RPS6KC1: variants seen among roughly 807,000 people sequenced by gnomAD.
The protein encoded by RPS6KC1 is ribosomal protein S6 kinase C1.
Under a neutral mutation model 103.8 loss-of-function variants are expected in RPS6KC1, and 54 were observed. The ratio of observed to expected loss-of-function variants is 0.52; its 90% CI spans 0.42 to 0.65. The LOEUF is 0.65. Ranked by LOEUF, RPS6KC1 falls within the 30% of genes least tolerant of loss-of-function variation. The pLI, the probability that RPS6KC1 is intolerant of heterozygous loss-of-function variation, is 0.00. For synonymous variants in RPS6KC1, 439 were observed against 438.7 expected (o/e 1.00, Z -0.01); for missense variants, 1,151 against 1,253.8 (o/e 0.92, Z 1.24).
the RPS6KC1 span, among the ~76,000 whole-genome samples, chr1:213,300,129 G>A: frequency 6.6e-6 from 1 of 152,152 alleles, no homozygotes; most frequent in South Asian, 2.1e-4. Flanking sequence ...TTCAGATGCT[G>A]AATTTCCAAT....
At chr1:213,492,046 C>G in the RPS6KC1 span, among the ~76,000 whole-genome samples, 3 of 152,304 alleles carry the variant, frequency 2.0e-5, no homozygotes, top group Admixed American at 6.5e-5. Flanking sequence ...CTCCCTCCCC[C>G]GTATGTAAGC....
chr1:213,080,825 T>A (rs1372334541), intron 3 of RPS6KC1, among the ~76,000 whole-genome samples: 1 of 152,154 alleles, frequency 6.6e-6, no homozygotes, highest in Non-Finnish European at 1.5e-5. Flanking sequence ...TCAGCCTTCC[T>A]AAGTGCTGGG....
the RPS6KC1 span, among the ~76,000 whole-genome samples, chr1:213,606,271 A>G: frequency 7.2e-5 from 11 of 152,260 alleles, no homozygotes; most frequent in Admixed American, 1.3e-4. Context: ...GTGGCTTCTG[A>G]CCTTCTGGGG....
rs2082274269 is a variant in RPS6KC1 at position 213,104,328 on chromosome 1, GT to G, written c.263-123del. On this transcript the variant is annotated intron_variant, in intron 3 of 14. Transcript: ENST00000366960. ...GTAGAGATTAGATTTGACTTCAGAA[GT>G]TTGCATAATAAGCAAAGCAACTAAG... 9.1e-6 allele frequency: 5 copies of G among 548,662 alleles called. No homozygotes were observed. The East Asian group carries it at 1.6e-4, about 17-fold the overall frequency. The allele number at this position is 548,662 out of a possible 1,614,324, so 34.0% of individuals were successfully genotyped here. A position where few individuals can be genotyped will look rare whatever the true frequency, so the allele number is the denominator to read the frequency against.
At chr1:213,693,529 C>T in the RPS6KC1 span, among the ~76,000 whole-genome samples, 6 of 152,286 alleles carry the variant, frequency 3.9e-5, no homozygotes, top group South Asian at 6.2e-4. Context: ...TAGAATCTCT[C>T]GTTCAGAAAA....
the RPS6KC1 span, among the ~76,000 whole-genome samples, chr1:213,286,599 T>C: frequency 6.6e-6 from 1 of 152,238 alleles, no homozygotes; most frequent in African/African-American, 2.4e-5. Flanking sequence ...TTCAAGCATT[T>C]ATCCTGATTT....
chr1:213,365,146 T>G, the RPS6KC1 span, among the ~76,000 whole-genome samples: 66 of 152,318 alleles, frequency 4.3e-4, no homozygotes, highest in African/African-American at 1.4e-3. Context: ...TTCACAACAC[T>G]TTACCTTTGC....
the RPS6KC1 span, among the ~76,000 whole-genome samples, chr1:213,564,945 T>C: frequency 6.6e-6 from 1 of 152,240 alleles, no homozygotes; most frequent in African/African-American, 2.4e-5. Flanking sequence ...CGTGTTGCTG[T>C]TCAGAAGTAT....
At chr1:213,270,647 G>A (rs2095027055) in intron 14 of RPS6KC1, among the ~76,000 whole-genome samples, 1 of 151,726 alleles carries the variant, frequency 6.6e-6, no homozygotes, top group South Asian at 2.1e-4. Flanking sequence ...TTTTAAAGAA[G>A]GAAAATGAAG....
At chr1:213,644,086 A>G in the RPS6KC1 span, among the ~76,000 whole-genome samples, 1 of 152,054 alleles carries the variant, frequency 6.6e-6, no homozygotes, top group Non-Finnish European at 1.5e-5. Context: ...TAAGGCTTTT[A>G]TCTGGTATTG....
At chr1:213,751,101 A>G in the RPS6KC1 span, among the ~76,000 whole-genome samples, 1 of 152,102 alleles carries the variant, frequency 6.6e-6, no homozygotes, top group Non-Finnish European at 1.5e-5. Flanking sequence ...CATAGATACC[A>G]ATTTTAGCAA....
At chr1:213,284,111 A>G in the RPS6KC1 span, among the ~76,000 whole-genome samples, 1 of 152,238 alleles carries the variant, frequency 6.6e-6, no homozygotes, top group Non-Finnish European at 1.5e-5. Flanking sequence ...TAAAAAGTAT[A>G]GAAGACATGA....
At chr1:213,683,507 C>T in the RPS6KC1 span, among the ~76,000 whole-genome samples, 2 of 152,138 alleles carry the variant, frequency 1.3e-5, no homozygotes, top group African/African-American at 4.8e-5. Context: ...ATTCCTCCCC[C>T]CAGCCTGCCC....
chr1:213,762,863 CG>C, the RPS6KC1 span, among the ~76,000 whole-genome samples: 9 of 146,386 alleles, frequency 6.1e-5, no homozygotes, highest in East Asian at 3.9e-4. Context: ...AATTTTTTTA[CG>C]TTTTTTTTTT....
At chr1:213,310,919 T>TC in the RPS6KC1 span, among the ~76,000 whole-genome samples, 1 of 152,026 alleles carries the variant, frequency 6.6e-6, no homozygotes, top group African/African-American at 2.4e-5. Flanking sequence ...TCCGTTCCTG[T>TC]CCCCCTTTGC....
At chr1:213,714,584 G>A in the RPS6KC1 span, among the ~76,000 whole-genome samples, 2 of 152,200 alleles carry the variant, frequency 1.3e-5, no homozygotes, top group Non-Finnish European at 2.9e-5. Flanking sequence ...CACATATTGT[G>A]GGCTTCCCTT....
chr1:213,397,344 C>A, the RPS6KC1 span, among the ~76,000 whole-genome samples: 1 of 152,052 alleles, frequency 6.6e-6, no homozygotes, highest in African/African-American at 2.4e-5. Flanking sequence ...CCCCACAAAC[C>A]TTCAAAGGAC....
chr1:213,601,435 AATAT>A, the RPS6KC1 span, among the ~76,000 whole-genome samples: 1 of 147,738 alleles, frequency 6.8e-6, no homozygotes, highest in East Asian at 1.9e-4. Context: ...TATATTCATA[AATAT>A]ATATATGTTT....
the RPS6KC1 span, among the ~76,000 whole-genome samples, chr1:213,628,582 T>C: frequency 6.6e-6 from 1 of 152,322 alleles, no homozygotes; most frequent in African/African-American, 2.4e-5. Context: ...CCCTATTAAC[T>C]TGTCATTTAA....
Sources: allele counts gnomAD v4.1 joint callset (sites outside exome capture counted in the v4.1 genomes callset), GRCh38; gene constraint gnomAD v4.1.1; transcripts MANE v1.5; gene names NCBI Gene and HGNC (gene_info 2026-07-23, HGNC 2026-07-21).